The following SDAD1 variants were observed in gnomAD, a reference collection of about 807,000 sequenced individuals.
The protein encoded by SDAD1 is SDA1 domain containing 1.
Under a neutral mutation model 100.3 loss-of-function variants are expected in SDAD1, and 79 were observed. That is an observed-to-expected ratio of 0.79 (90% confidence interval 0.66 to 0.95). The LOEUF is 0.95. Among genes scored for constraint, SDAD1 ranks in the 40% least tolerant of loss-of-function variants. The pLI, the probability that SDAD1 is intolerant of heterozygous loss-of-function variation, is 0.00. For missense variants in SDAD1, 790 were observed against 810.9 expected (o/e 0.97, Z 0.31); for synonymous variants, 267 against 271.4 (o/e 0.98, Z 0.16).
chr4:75,957,555 T>C lies in SDAD1; in HGVS notation c.1732A>G (p.Arg578Gly). The stretch of plus-strand genomic sequence containing the variant: ...TCACTGTCTATTTCAATGTATTTCC[T>C]CTTCTGGGATTTCCCGGGGGCAGCA... ...LDAAPGKSQK[R>G]KYIEIDSDEE... The change falls in exon 19 of 22, where the codon AGG becomes GGG. Residue 578 changes from arginine (R) to glycine (G), a missense_variant. Physicochemically the swap from Arg to Gly is moderately radical, Grantham distance 125. Coordinates refer to ENST00000356260, the MANE Select transcript of SDAD1 (RefSeq NM_018115.4). 6.2e-7 allele frequency: 1 copy of C among 1,614,224 alleles called. No homozygotes were observed. Among genetic ancestry groups the C allele is most frequent in the Non-Finnish European group, 8.5e-7 (1 of 1,180,044 alleles).
Position 75,956,113 on chromosome 4 carries a change from T to A in SDAD1, c.1878A>T (p.Glu626Asp). Reference protein sequence around the residue: ...TAMAGKTDRKEFVRKKTKTNP... With the variant: ...TAMAGKTDRKDFVRKKTKTNP... The stretch of plus-strand genomic sequence containing the variant: ...TTGTTTTGGTTTTCTTCCTCACAAA[T>A]TCTTTTCGGTCTGTCTTTCCAGCCT... Residue 626 changes from glutamate (E) to aspartate (D), a missense_variant, in exon 21 of 22, where the codon GAA becomes GAT. Glu to Asp is a conservative substitution (Grantham distance 45, BLOSUM62 2). Coordinates refer to ENST00000356260, the MANE Select transcript of SDAD1 (RefSeq NM_018115.4). The A allele has an allele frequency of 2.5e-6, 4 of 1,608,390 alleles. No individual in the cohort carries two copies. Among genetic ancestry groups the A allele is most frequent in the Non-Finnish European group, 2.5e-6 (3 of 1,178,696 alleles).
In SDAD1 at chr4:75,964,200, T is replaced by A. The variant is rs779553755; in HGVS notation, c.1116A>T (p.Ser372=). ...AATTGTTTGCCACAGTCATAAGCAATGATTGAATAATCTGAATTGGAAACA... is the reference window on the plus strand; with the variant it reads ...AATTGTTTGCCACAGTCATAAGCAAAGATTGAATAATCTGAATTGGAAACA... ...HHLVPPEIIQ[S]LLMTVANNFV... Residue 372 remains serine, a synonymous_variant, in exon 14 of 22, where the codon TCA becomes TCT. Transcript: ENST00000356260. 21 of 1,606,080 alleles carry A rather than the reference T, an allele frequency of 1.3e-5. No individual in the cohort carries two copies. The Admixed American group carries it at 3.6e-4, about 28-fold the overall frequency.
At position 75,965,748 on chromosome 4, in the gene SDAD1, G is replaced by C; in HGVS notation, c.1104+16C>G. The C allele has an allele frequency of 6.2e-7, 1 of 1,610,520 alleles. No individual in the cohort carries two copies. Among genetic ancestry groups the C allele is most frequent in the Non-Finnish European group, 8.5e-7 (1 of 1,176,842 alleles). ...ATCCATGCCCTAGGTCCAGAAGTCA[G>C]GTTACAGGTTCTCACCTCTGGGGGT... On this transcript the variant is annotated intron_variant, in intron 13 of 21. Transcript: ENST00000356260.
At chr4:75,965,869 G>T in intron 12 of SDAD1, 47 bp from the exon 13 acceptor site, 1 of 1,504,282 alleles carries the variant, frequency 6.6e-7, no homozygotes, top group Non-Finnish European at 9.2e-7. Flanking sequence ...GTATCACCCT[G>T]CCTCTGAGGA....
At chr4:75,959,764 C>T (rs959692129) in intron 17 of SDAD1, among the ~76,000 whole-genome samples, 9 of 152,136 alleles carry the variant, frequency 5.9e-5, no homozygotes, top group Non-Finnish European at 8.8e-5. Flanking sequence ...GGCTAACCCC[C>T]GTAATTTTTT....
At chr4:75,967,249 C>A (rs1310037176) in intron 12 of SDAD1, 28 bp downstream of exon 12, 1 of 1,609,208 alleles carries the variant, frequency 6.2e-7, no homozygotes, top group Non-Finnish European at 8.5e-7. Context: ...CCAAGGCCAC[C>A]AAAGAAACAT....
intron 8 of SDAD1, among the ~76,000 whole-genome samples, chr4:75,973,104 G>A (rs1194566022): frequency 1.3e-5 from 2 of 152,124 alleles, no homozygotes; most frequent in Non-Finnish European, 2.9e-5. Context: ...GATCAAGGTT[G>A]AATAAATCTG....
At position 75,990,918 on chromosome 4, in the gene SDAD1, T is replaced by A. The variant is rs531837660; in HGVS notation, c.-77A>T. The stretch of plus-strand genomic sequence containing the variant: ...CCGGCACCCCGCAATCCCTGCCAGC[T>A]GCAGCTTGGACTCGTGTTTCCGGGT... On this transcript the variant is annotated 5_prime_UTR_variant, in exon 1 of 22. Transcript: ENST00000356260. 35 of 1,568,894 alleles carry A rather than the reference T, an allele frequency of 2.2e-5. No homozygotes were observed. The highest frequency in any genetic ancestry group is 3.5e-6 in the Non-Finnish European group (4 of 1,143,192).
At chr4:75,952,167 A>T (rs1210631172) in intron 21 of SDAD1, among the ~76,000 whole-genome samples, 1 of 152,214 alleles carries the variant, frequency 6.6e-6, no homozygotes, top group Non-Finnish European at 1.5e-5. Flanking sequence ...ATCTAATTCT[A>T]TCTTATTTTC....
intron 20 of SDAD1, 61 bp downstream of exon 20, chr4:75,957,263 TG>T: frequency 1.4e-6 from 2 of 1,403,126 alleles, no homozygotes; most frequent in Non-Finnish European, 2.0e-6. Flanking sequence ...ATACAAGTTC[TG>T]GCTTATGTTT....
rs1730779567 is a variant in SDAD1 at position 75,984,778 on chromosome 4, A to ACACAC, written c.91-2742_91-2741insGTGTG. On this transcript the variant is annotated intron_variant, in intron 1 of 21. Transcript: ENST00000356260. ...TATGTGACATACACACACACACACA[A>ACACAC]ACACACACACACACACACACACACA... 4.9e-4 allele frequency among the ~76,000 whole-genome samples: 67 copies of ACACAC among 137,022 alleles called. 1 individual carries two copies. Among genetic ancestry groups the ACACAC allele is most frequent in the African/African-American group, 1.8e-3 (66 of 37,014 alleles). The allele number at this position is 137,022 out of a possible 152,430, so 89.9% of individuals were successfully genotyped here.
At chr4:75,990,700 G>A (rs1170347119) in intron 1 of SDAD1, 52 bp downstream of exon 1, 3 of 1,611,248 alleles carry the variant, frequency 1.9e-6, no homozygotes, top group Middle Eastern at 1.7e-4. Context: ...CCGCACCGGC[G>A]TCTCAACCAT....
At chr4:75,974,213 T>A in intron 6 of SDAD1, 80 bp from the exon 7 acceptor site, 1 of 1,137,132 alleles carries the variant, frequency 8.8e-7, no homozygotes. Context: ...ACAAAATAAA[T>A]GATATAACAA....
At chr4:75,967,186 A>T (rs1400022606) in intron 12 of SDAD1, 91 bp downstream of exon 12, 3 of 1,189,862 alleles carry the variant, frequency 2.5e-6, no homozygotes, top group Non-Finnish European at 3.8e-6. Context: ...AGCACACTGC[A>T]CTCCTGTCTT....
intron 1 of SDAD1, among the ~76,000 whole-genome samples, chr4:75,988,530 T>A (rs544059326): frequency 2.7e-4 from 41 of 152,308 alleles, no homozygotes; most frequent in African/African-American, 9.9e-4. Flanking sequence ...CCAACATACA[T>A]AAGTACTTTC....
intron 3 of SDAD1, among the ~76,000 whole-genome samples, 170 bp from the exon 4 acceptor site, chr4:75,977,926 C>A (rs777012623): frequency 2.6e-5 from 4 of 151,916 alleles, no homozygotes; most frequent in Non-Finnish European, 5.9e-5. Flanking sequence ...TAGAGCAGAA[C>A]GGAGGACAGA....
Position 75,950,180 on chromosome 4 carries a change from T to C in SDAD1, c.*570A>G, listed in dbSNP as rs1442374892. On this transcript the variant is annotated 3_prime_UTR_variant, in exon 22 of 22. Coordinates refer to ENST00000356260, the MANE Select transcript of SDAD1 (RefSeq NM_018115.4). ...AATCTCTTGGATTGACTAAAAGAGC[T>C]AAATTATGTACCCAAAATCTGTACA... 6.9e-6 allele frequency: 1 copy of C among 144,034 alleles called. No homozygotes were observed. The allele number at this position is 144,034 out of a possible 1,614,324, so 8.9% of individuals were successfully genotyped here. A position where few individuals can be genotyped will look rare whatever the true frequency, so the allele number is the denominator to read the frequency against.
Position 75,959,928 on chromosome 4 carries a change from A to C in SDAD1, c.1483+138T>G, listed in dbSNP as rs140645980. ...GAACCATGCTCAATTGATCCCCCAT[A>C]CTTCTAACAGTGCGTGGCACATAGT... is the stretch of plus-strand genomic sequence containing the variant. On this transcript the variant is annotated intron_variant, in intron 17 of 21. Coordinates refer to ENST00000356260, the MANE Select transcript of SDAD1 (RefSeq NM_018115.4). 671 of 840,778 alleles carry C rather than the reference A, an allele frequency of 8.0e-4. 7 individuals carry two copies. In the East Asian group the frequency reaches 0.019, roughly 24 times the overall value. The allele number at this position is 840,778 out of a possible 1,614,324, so 52.1% of individuals were successfully genotyped here.
At chr4:75,970,418 G>A (rs1729802147) in intron 9 of SDAD1, 40 bp from the exon 10 acceptor site, 2 of 1,465,524 alleles carry the variant, frequency 1.4e-6, no homozygotes, top group African/African-American at 2.8e-5. Flanking sequence ...CTGAGTTACA[G>A]TGATGATGCT....
Sources: allele counts gnomAD v4.1 joint callset (sites outside exome capture counted in the v4.1 genomes callset), GRCh38; gene constraint gnomAD v4.1.1; transcripts MANE v1.5; gene names NCBI Gene and HGNC (gene_info 2026-07-23, HGNC 2026-07-21).